Variants in NALF1 observed in about 807,000 individuals in gnomAD.
NALF1 encodes the protein family with sequence similarity 155 member A.
NALF1 carries 3 observed loss-of-function variants against 48.4 expected under a neutral mutation model. The observed-to-expected ratio is 0.06, with a 90% CI of 0.03 to 0.16. The LOEUF (loss-of-function observed/expected upper bound fraction) is 0.16, where lower values mean the gene tolerates loss of function less well. Ranked by LOEUF, NALF1 falls within the 10% of genes least tolerant of loss-of-function variation. The pLI, the probability that NALF1 is intolerant of heterozygous loss-of-function variation, is 1.00. For synonymous variants in NALF1, 262 were observed against 245.7 expected, an observed-to-expected ratio of 1.07 and a Z score of -0.62; for missense variants, 526 against 571.5, an observed-to-expected ratio of 0.92 and a Z score of 0.81.
At chr13:107,391,720 A>G (rs1340018881) in intron 1 of NALF1, among the ~76,000 whole-genome samples, 1 of 152,098 alleles carries the variant, frequency 6.6e-6, no homozygotes, top group Non-Finnish European at 1.5e-5. Context: ...TCAACCAGAA[A>G]ATGTTTAAAT....
At chr13:107,379,930 C>T (rs1883401867) in intron 1 of NALF1, among the ~76,000 whole-genome samples, 1 of 152,142 alleles carries the variant, frequency 6.6e-6, no homozygotes, top group African/African-American at 2.4e-5. Context: ...CATGGAGATG[C>T]CAGACATGTC....
chr13:107,720,308 G>A (rs1015685791), intron 1 of NALF1, among the ~76,000 whole-genome samples: 1 of 152,084 alleles, frequency 6.6e-6, no homozygotes, highest in African/African-American at 2.4e-5. Flanking sequence ...TCAGGTGCTC[G>A]AGACCAGCCT....
chr13:107,185,574 C>A (rs1356033267), intron 2 of NALF1, among the ~76,000 whole-genome samples: 1 of 152,072 alleles, frequency 6.6e-6, no homozygotes. Flanking sequence ...TTGTACCCAT[C>A]AATATCACCA....
intron 1 of NALF1, among the ~76,000 whole-genome samples, chr13:107,257,528 G>A (rs1880843170): frequency 1.1e-4 from 2 of 17,754 alleles, no homozygotes; most frequent in African/African-American, 4.9e-4. Context: ...ATATCATCTA[G>A]GCTCTAGAAG....
intron 1 of NALF1, among the ~76,000 whole-genome samples, chr13:107,652,916 C>T (rs1417782): frequency 0.48 from 73,242 of 151,874 alleles, 17,844 homozygotes; most frequent in East Asian, 0.66. Flanking sequence ...TTTGGTGCCT[C>T]AAATTGCTGG....
At chr13:107,388,750 T>C (rs1296477176) in intron 1 of NALF1, among the ~76,000 whole-genome samples, 1 of 152,020 alleles carries the variant, frequency 6.6e-6, no homozygotes, top group African/African-American at 2.4e-5. Flanking sequence ...GTATGCAGAA[T>C]GTGGGGGAGC....
At chr13:107,214,811 G>A (rs1281071776) in intron 1 of NALF1, among the ~76,000 whole-genome samples, 2 of 152,112 alleles carry the variant, frequency 1.3e-5, no homozygotes, top group Non-Finnish European at 1.5e-5. Flanking sequence ...TACTTGAATC[G>A]ATTTTTCTCT....
At chr13:107,615,022 C>T (rs769241693) in intron 1 of NALF1, among the ~76,000 whole-genome samples, 23 of 152,198 alleles carry the variant, frequency 1.5e-4, no homozygotes, top group Admixed American at 8.5e-4. Flanking sequence ...GGTGACCCAC[C>T]TGCCTCAGCC....
At chr13:107,617,900 T>C (rs1300255890) in intron 1 of NALF1, among the ~76,000 whole-genome samples, 2 of 152,208 alleles carry the variant, frequency 1.3e-5, no homozygotes, top group Admixed American at 6.5e-5. Flanking sequence ...CCTTGAAATT[T>C]TGCTTTATCT....
chr13:107,509,697 A>G (rs1875817228), intron 1 of NALF1, among the ~76,000 whole-genome samples: 1 of 152,194 alleles, frequency 6.6e-6, no homozygotes, highest in Non-Finnish European at 1.5e-5. Context: ...GTTATTAGCC[A>G]TTTCAAAAGA....
intron 1 of NALF1, among the ~76,000 whole-genome samples, chr13:107,846,860 G>T (rs988117936): frequency 2.6e-4 from 39 of 152,250 alleles, no homozygotes; most frequent in African/African-American, 9.4e-4. Flanking sequence ...GACTAAATAG[G>T]CATATATGAT....
chr13:107,826,149 T>G (rs554972865), intron 1 of NALF1, among the ~76,000 whole-genome samples: 2 of 152,356 alleles, frequency 1.3e-5, no homozygotes, highest in South Asian at 4.1e-4. Context: ...GCCACATTAC[T>G]GAAGCCTGGA....
At chr13:107,349,844 C>T (rs1203517842) in intron 1 of NALF1, among the ~76,000 whole-genome samples, 7 of 151,882 alleles carry the variant, frequency 4.6e-5, no homozygotes, top group Non-Finnish European at 8.8e-5. Context: ...TTATGTGTAT[C>T]CCTTGTTTAT....
intron 1 of NALF1, among the ~76,000 whole-genome samples, chr13:107,426,953 A>C (rs1884290936): frequency 6.6e-6 from 1 of 152,054 alleles, no homozygotes; most frequent in South Asian, 2.1e-4. Flanking sequence ...CAAAAAGCTA[A>C]AATAATATTG....
chr13:107,721,876 C>T (rs1468539736), intron 1 of NALF1, among the ~76,000 whole-genome samples: 2 of 152,160 alleles, frequency 1.3e-5, no homozygotes, highest in African/African-American at 2.4e-5. Flanking sequence ...ACATCCCTAC[C>T]GCAGATTCAT....
At chr13:107,472,129 G>T (rs1885110647) in intron 1 of NALF1, among the ~76,000 whole-genome samples, 1 of 152,120 alleles carries the variant, frequency 6.6e-6, no homozygotes, top group Non-Finnish European at 1.5e-5. Context: ...AGGAGTTCGA[G>T]ACCAGCCTGA....
At chr13:107,519,184 AG>A (rs1876156941) in intron 1 of NALF1, among the ~76,000 whole-genome samples, 1 of 152,130 alleles carries the variant, frequency 6.6e-6, no homozygotes, top group African/African-American at 2.4e-5. Context: ...TATTATTTAC[AG>A]GGGTCTCCAA....
intron 1 of NALF1, among the ~76,000 whole-genome samples, chr13:107,489,363 C>T (rs914274486): frequency 7.9e-5 from 12 of 152,076 alleles, no homozygotes; most frequent in Non-Finnish European, 1.3e-4. Flanking sequence ...TATCAAGTTA[C>T]CCAACTTCAA....
At chr13:107,699,518 A>G (rs1266775178) in intron 1 of NALF1, among the ~76,000 whole-genome samples, 2 of 152,154 alleles carry the variant, frequency 1.3e-5, no homozygotes, top group Non-Finnish European at 2.9e-5. Flanking sequence ...AAGAACCCCC[A>G]CAGACAGTGC....
Sources: allele counts gnomAD v4.1 joint callset (sites outside exome capture counted in the v4.1 genomes callset), GRCh38; gene constraint gnomAD v4.1.1; transcripts MANE v1.5; gene names NCBI Gene and HGNC (gene_info 2026-07-23, HGNC 2026-07-21).